Variants in PRELID3B observed in about 807,000 individuals in gnomAD.
PRELID3B encodes the protein PRELI domain containing 3B.
PRELID3B carries 15 observed loss-of-function variants against 24.0 expected under a neutral mutation model. The ratio of observed to expected loss-of-function variants is 0.63; its 90% CI spans 0.42 to 0.96. PRELID3B has a LOEUF of 0.96. PRELID3B is among the 40% of genes least tolerant of loss of function. The pLI, the probability that PRELID3B is intolerant of heterozygous loss-of-function variation, is 0.00. For synonymous variants in PRELID3B, 62 were observed against 76.0 expected (o/e 0.82, Z 0.96); for missense variants, 189 against 236.0 (o/e 0.80, Z 1.30).
Position 59,034,969 on chromosome 20 carries a change from G to T in PRELID3B, c.*38C>A. ...AATAAATATATAGTCAGTTTGGAGAGACCTGGAGTACCCGATGTTGTCTAC... is the reference window on the plus strand; with the variant it reads ...AATAAATATATAGTCAGTTTGGAGATACCTGGAGTACCCGATGTTGTCTAC... On this transcript the variant is annotated 3_prime_UTR_variant, in exon 6 of 6. Coordinates refer to ENST00000355937, the MANE Select transcript of PRELID3B (RefSeq NM_016045.3). The T allele has an allele frequency of 6.3e-7, 1 of 1,579,168 alleles. No homozygotes were observed. The highest frequency in any genetic ancestry group is 1.2e-5 in the South Asian group (1 of 86,480).
intron 5 of PRELID3B, among the ~76,000 whole-genome samples, chr20:59,036,238 A>C (rs535278663): frequency 6.6e-6 from 1 of 152,316 alleles, no homozygotes; most frequent in East Asian, 1.9e-4. Flanking sequence ...CTCCACTTTA[A>C]AAACGGGAAA....
chr20:59,042,738 G>A lies in PRELID3B; in HGVS notation c.-8C>T. The A allele has an allele frequency of 6.2e-7, 1 of 1,600,952 alleles. No individual in the cohort carries two copies. The highest frequency in any genetic ancestry group is 8.5e-7 in the Non-Finnish European group (1 of 1,174,534). On this transcript the variant is annotated 5_prime_UTR_variant, in exon 1 of 6. Coordinates refer to ENST00000355937, the MANE Select transcript of PRELID3B (RefSeq NM_016045.3). ...CGAAGTCCAGATCTTCATGGTGCCGGCACCCTGAGAGATGTCCGGGTAGCG... is the reference window on the plus strand; with the variant it reads ...CGAAGTCCAGATCTTCATGGTGCCGACACCCTGAGAGATGTCCGGGTAGCG...
At chr20:59,041,501 T>C (rs1601254707) in intron 1 of PRELID3B, among the ~76,000 whole-genome samples, 1 of 149,876 alleles carries the variant, frequency 6.7e-6, no homozygotes, top group Non-Finnish European at 1.5e-5. Flanking sequence ...TCACCTGAGG[T>C]CAGGTGCGAC....
At chr20:59,038,233 C>T in intron 2 of PRELID3B, 1 of 423,866 alleles carries the variant, frequency 2.4e-6, no homozygotes, top group Non-Finnish European at 4.2e-6. Context: ...CCTTTCAGAT[C>T]ACACGGCATT....
At position 59,036,709 on chromosome 20, in the gene PRELID3B, G is replaced by A; in HGVS notation, c.343C>T (p.His115Tyr). The A allele has an allele frequency of 6.2e-7, 1 of 1,601,496 alleles. No individual in the cohort carries two copies. The part of the protein sequence containing the change: ...SVDERLIYKP[H>Y]PQDPEKTVLT... ...ACTCACTTTTCTGGATCCTGAGGAT[G>A]TGGTTTGTATATAAGTCTCTCATCT... The change falls in exon 4 of 6, where the codon CAT becomes TAT. Residue 115 changes from histidine (H) to tyrosine (Y), a missense_variant. Transcript: ENST00000355937.
At chr20:59,042,376 C>T (rs890440452) in intron 1 of PRELID3B, among the ~76,000 whole-genome samples, 5 of 152,266 alleles carry the variant, frequency 3.3e-5, no homozygotes, top group Non-Finnish European at 7.3e-5. Flanking sequence ...TCAAGGGCTT[C>T]GTGCTCCGCG....
intron 1 of PRELID3B, among the ~76,000 whole-genome samples, chr20:59,039,359 T>G (rs1202427417): frequency 3.3e-5 from 5 of 152,238 alleles, no homozygotes; most frequent in South Asian, 2.1e-4. Flanking sequence ...GGTAATAATA[T>G]CACATCACTT....
Position 59,034,778 on chromosome 20 carries a change from G to T in PRELID3B, c.*229C>A. The T allele has an allele frequency of 2.6e-6, 1 of 390,212 alleles. No homozygotes were observed. The highest frequency in any genetic ancestry group is 4.5e-6 in the Non-Finnish European group (1 of 221,082). The allele number at this position is 390,212 out of a possible 1,614,324, so 24.2% of individuals were successfully genotyped here. On this transcript the variant is annotated 3_prime_UTR_variant, in exon 6 of 6. Transcript: ENST00000355937. ...TTGTTGAATTTTCACAGAAATACTG[G>T]AACCCTCAAAATCAGATAGTAATTT... is the stretch of plus-strand genomic sequence containing the variant.
intron 5 of PRELID3B, among the ~76,000 whole-genome samples, chr20:59,035,739 A>G (rs2092067146): frequency 6.6e-6 from 1 of 152,200 alleles, no homozygotes; most frequent in South Asian, 2.1e-4. Flanking sequence ...TACATGCTGT[A>G]TGATTAATGT....
rs2092055520 is a variant in PRELID3B at position 59,034,393 on chromosome 20, TC to T, written c.*613del. On this transcript the variant is annotated 3_prime_UTR_variant, in exon 6 of 6. Transcript: ENST00000355937. The stretch of plus-strand genomic sequence containing the variant: ...TACTAAGTTACAAAACTTGGGCAAA[TC>T]AATACAGTACTCTTTTATAATGAAA... The T allele has an allele frequency of 6.6e-6, 1 of 152,578 alleles. No homozygotes were observed. Among genetic ancestry groups the T allele is most frequent in the South Asian group, 2.1e-4 (1 of 4,832 alleles). The allele number at this position is 152,578 out of a possible 1,614,324, so 9.5% of individuals were successfully genotyped here. A position where few individuals can be genotyped will look rare whatever the true frequency, so the allele number is the denominator to read the frequency against.
Position 59,037,213 on chromosome 20 carries a change from G to A in PRELID3B, c.269C>T (p.Thr90Ile), listed in dbSNP as rs376167473. The A allele has an allele frequency of 6.2e-7, 1 of 1,613,304 alleles. No individual in the cohort carries two copies. The highest frequency in any genetic ancestry group is 1.3e-5 in the African/African-American group (1 of 74,918). ...TACATTAGTAGATTTAAGTTCCATT[G>A]TTTTCTCTACAGGATCAACTACAGA... is the stretch of plus-strand genomic sequence containing the variant. ...EHSVVDPVEK[T>I]MELKSTNISF... Residue 90 changes from threonine to isoleucine, a missense_variant, in exon 3 of 6, where the codon ACA becomes ATA. Thr to Ile is a moderately conservative substitution (Grantham distance 89). Coordinates refer to ENST00000355937, the MANE Select transcript of PRELID3B (RefSeq NM_016045.3).
At chr20:59,036,132 C>T (rs1324435381) in intron 5 of PRELID3B, among the ~76,000 whole-genome samples, 2 of 152,178 alleles carry the variant, frequency 1.3e-5, no homozygotes, top group African/African-American at 2.4e-5. Context: ...CACGCAGCTA[C>T]ACATCATCGA....
In PRELID3B at chr20:59,040,535, A is replaced by G. The variant is rs1214372703; in HGVS notation, c.33-1901T>C. On this transcript the variant is annotated intron_variant, in intron 1 of 5. Coordinates refer to ENST00000355937, the MANE Select transcript of PRELID3B (RefSeq NM_016045.3). This position sits in a 1 kb window ranked among gnomAD's most constrained non-coding sequence, Gnocchi z 4.1. ...GCATCTCTATAAGTTGAAGGAATCA[A>G]TGAATGACTTCACCTGGATGCCAAC... Among the ~76,000 whole-genome samples, 2 of 152,262 alleles carry G rather than the reference A, an allele frequency of 1.3e-5. No homozygotes were observed. The highest frequency in any genetic ancestry group is 2.9e-5 in the Non-Finnish European group (2 of 68,042).
At chr20:59,038,408 C>A (rs1046614319) in intron 2 of PRELID3B, 58 bp downstream of exon 2, 4 of 1,477,230 alleles carry the variant, frequency 2.7e-6, no homozygotes, top group South Asian at 2.5e-5. Flanking sequence ...AAGTATAATG[C>A]GGTTTAGAAA....
At chr20:59,036,070 G>A (rs1478984351) in intron 5 of PRELID3B, among the ~76,000 whole-genome samples, 1 of 150,148 alleles carries the variant, frequency 6.7e-6, no homozygotes, top group East Asian at 2.1e-4. Flanking sequence ...TCTAAAACGA[G>A]TTGTGGGGGA....
At position 59,034,846 on chromosome 20, in the gene PRELID3B, C is replaced by T. The variant is rs1225559827; in HGVS notation, c.*161G>A. 1.8e-5 allele frequency: 9 copies of T among 487,816 alleles called. No individual in the cohort carries two copies. The highest frequency in any genetic ancestry group is 3.0e-5 in the Non-Finnish European group (9 of 300,934). The allele number at this position is 487,816 out of a possible 1,614,324, so 30.2% of individuals were successfully genotyped here. Reference sequence around the variant, plus strand: ...AGATGATCCCTTTTATTTAGAGGCCCTGCATCTGTTTTGATCAAGTCACAT... The same window carrying T: ...AGATGATCCCTTTTATTTAGAGGCCTTGCATCTGTTTTGATCAAGTCACAT... On this transcript the variant is annotated 3_prime_UTR_variant, in exon 6 of 6. Transcript: ENST00000355937.
At chr20:59,039,349 G>A (rs1601253138) in intron 1 of PRELID3B, among the ~76,000 whole-genome samples, 6 of 152,118 alleles carry the variant, frequency 3.9e-5, no homozygotes, top group Admixed American at 3.9e-4. Context: ...GTATTGAAGT[G>A]GTAATAATAT....
rs749985146 is a variant in PRELID3B, at chr20:59,038,539, A to G, written c.128T>C (p.Ile43Thr). The G allele has an allele frequency of 2.5e-5, 41 of 1,613,546 alleles. No homozygotes were observed. Among genetic ancestry groups the G allele is most frequent in the Non-Finnish European group, 3.0e-5 (35 of 1,179,840 alleles). ...GCTGTGCAACTTTCCAGAGGGATCT[A>G]TATGTCTGTCCAACACATCAACTCC... Reference protein sequence around the residue: ...VVGVDVLDRHIDPSGKLHSHR... With the variant: ...VVGVDVLDRHTDPSGKLHSHR... Residue 43 changes from isoleucine to threonine, a missense_variant, in exon 2 of 6, where the codon ATA (isoleucine) becomes ACA (threonine). Coordinates refer to ENST00000355937, the MANE Select transcript of PRELID3B (RefSeq NM_016045.3).
rs1029293193 is a variant in PRELID3B at position 59,040,787 on chromosome 20, G to A, written c.32+1912C>T. 6.6e-6 allele frequency among the ~76,000 whole-genome samples: 1 copy of A among 152,180 alleles called. No homozygotes were observed. Among genetic ancestry groups the A allele is most frequent in the African/African-American group, 2.4e-5 (1 of 41,420 alleles). On this transcript the variant is annotated intron_variant, in intron 1 of 5. Transcript: ENST00000355937. The surrounding 1 kb of genome is among the most constrained non-coding windows in gnomAD (Gnocchi z 4.1). Reference sequence around the variant, plus strand: ...AAAATGAAAAGCGGAGCTCAAGAGAGGCTGGAGCTCAAGGTACAGATCTGG... The same window carrying A: ...AAAATGAAAAGCGGAGCTCAAGAGAAGCTGGAGCTCAAGGTACAGATCTGG...
Sources: allele counts gnomAD v4.1 joint callset (sites outside exome capture counted in the v4.1 genomes callset), GRCh38; gene constraint gnomAD v4.1.1; non-coding constraint Gnocchi (gnomAD v3.1); transcripts MANE v1.5; gene names NCBI Gene and HGNC (gene_info 2026-07-23, HGNC 2026-07-21).